The following DMBX1 variants were observed in gnomAD, a reference collection of about 807,000 sequenced individuals.
The protein encoded by DMBX1 is diencephalon/mesencephalon homeobox protein 1.
DMBX1 carries 7 observed loss-of-function variants against 30.4 expected under a neutral mutation model. That is an observed-to-expected ratio of 0.23 (90% CI 0.13 to 0.43). The LOEUF (loss-of-function observed/expected upper bound fraction) is 0.43. Ranked by LOEUF, DMBX1 falls within the 20% of genes least tolerant of loss-of-function variation. The pLI is 1.00. For synonymous variants in DMBX1, 222 were observed against 214.2 expected (o/e 1.04, Z -0.32); for missense variants, 460 against 508.5 (o/e 0.90, Z 0.92).
intron 3 of DMBX1, among the ~76,000 whole-genome samples, chr1:46,509,028 A>G (rs79738061): frequency 0.061 from 9,311 of 151,680 alleles, 722 homozygotes; most frequent in African/African-American, 0.18. Context: ...GAAGTATCTC[A>G]AAGTCTGGGG....
At chr1:46,492,017 G>T (rs371617037) in intron 2 of DMBX1, among the ~76,000 whole-genome samples, 2 of 152,196 alleles carry the variant, frequency 1.3e-5, no homozygotes, top group African/African-American at 4.8e-5. Flanking sequence ...ACTCAGGAGG[G>T]GGGTAAACAC....
chr1:46,498,805 C>G (rs1468640806), intron 2 of DMBX1, among the ~76,000 whole-genome samples: 1 of 152,208 alleles, frequency 6.6e-6, no homozygotes, highest in Non-Finnish European at 1.5e-5. Context: ...TGTGTGGTAC[C>G]ACATGTGTAC....
chr1:46,491,754 C>T lies in DMBX1; in HGVS notation c.-13+971C>T, dbSNP rs193046012. On this transcript the variant is annotated intron_variant, in intron 2 of 5. Coordinates refer to ENST00000360032, the MANE Select transcript of DMBX1 (RefSeq NM_172225.2). The surrounding 1 kb of genome is among the most constrained non-coding windows in gnomAD (Gnocchi z 5.5). ...GTAGTGGGGGTTGTTTTCAATTTTT[C>T]GGGGATTTGTGTTTCACTTACCCAC... 9.2e-5 allele frequency among the ~76,000 whole-genome samples: 14 copies of T among 152,114 alleles called. No homozygotes were observed. In the East Asian group the frequency reaches 2.5e-3, roughly 27 times the overall value.
Position 46,513,806 on chromosome 1 carries a change from CTG to C in DMBX1, c.*1314_*1315del, listed in dbSNP as rs1479233708. ...TATAGCAGCACATAGGCTCAGGCTT[CTG>C]TAGGCTTCCTGTCCCAGAGCCAATT... On this transcript the variant is annotated 3_prime_UTR_variant, in exon 6 of 6. Coordinates refer to ENST00000360032, the MANE Select transcript of DMBX1 (RefSeq NM_172225.2). The C allele has an allele frequency of 6.6e-6, 1 of 152,318 alleles. No homozygotes were observed. Among genetic ancestry groups the C allele is most frequent in the Non-Finnish European group, 1.5e-5 (1 of 68,082 alleles). The allele number at this position is 152,318 out of a possible 1,614,324, so 9.4% of individuals were successfully genotyped here.
At position 46,512,477 on chromosome 1, in the gene DMBX1, G is replaced by A. The variant is rs1321447721; in HGVS notation, c.1117G>A (p.Asp373Asn). The A allele has an allele frequency of 4.3e-6, 7 of 1,610,454 alleles. No individual in the cohort carries two copies. Among genetic ancestry groups the A allele is most frequent in the South Asian group, 2.2e-5 (2 of 90,838 alleles). ...GCAGCACGCGGCCTCCCTGGGACTC[G>A]ATACGCTGCCCAACTGACTGTCTGG... ...AKQHAASLGL[D>N]TLPN The change falls in exon 6 of 6, where the codon GAT (aspartate) becomes AAT (asparagine). Residue 373 changes from aspartate to asparagine, a missense_variant. Transcript: ENST00000360032. The surrounding 1 kb of genome is among the most constrained non-coding windows in gnomAD (Gnocchi z 4.8).
At position 46,507,113 on chromosome 1, in the gene DMBX1, C is replaced by T. The variant is rs754837630; in HGVS notation, c.103C>T (p.Pro35Ser). ...QQAAQQAQHA[P>S]DYRPSVHALT... is the part of the protein sequence containing the mutation. ...GGCAGCCCAGCAGGCCCAGCATGCC[C>T]CCGACTACCGGCCTTCAGTGCATGC... Residue 35 changes from proline to serine, a missense_variant, in exon 3 of 6, where the codon CCC becomes TCC. Transcript: ENST00000360032. The T allele has an allele frequency of 6.2e-7, 1 of 1,614,216 alleles. No individual in the cohort carries two copies. Among genetic ancestry groups the T allele is most frequent in the South Asian group, 1.1e-5 (1 of 91,088 alleles).
intron 5 of DMBX1, among the ~76,000 whole-genome samples, chr1:46,511,507 G>T (rs1475834174): frequency 1.3e-5 from 2 of 152,184 alleles, no homozygotes; most frequent in Non-Finnish European, 2.9e-5. Context: ...TACTGCGGGA[G>T]CTCGGGGCAA....
At chr1:46,500,320 G>A (rs919375370) in intron 2 of DMBX1, among the ~76,000 whole-genome samples, 1 of 151,536 alleles carries the variant, frequency 6.6e-6, no homozygotes, top group Non-Finnish European at 1.5e-5. Context: ...TGAGATCAGC[G>A]ATAATTAAGT....
chr1:46,501,275 C>CTTTCTTTCTTTCT (rs1666133089), intron 2 of DMBX1, among the ~76,000 whole-genome samples: 1 of 126,736 alleles, frequency 7.9e-6, no homozygotes, highest in African/African-American at 3.1e-5. Context: ...TCTTTCTCTT[C>CTTTCTTTCTTTCT]TTTCTTTCTT....
intron 2 of DMBX1, among the ~76,000 whole-genome samples, chr1:46,502,649 G>A (rs1666159374): frequency 6.6e-6 from 1 of 152,142 alleles, no homozygotes; most frequent in African/African-American, 2.4e-5. Flanking sequence ...CACTTTGGGA[G>A]GCCAAGGCAG....
At chr1:46,503,659 TGTGCTTGC>T (rs1643336357) in intron 2 of DMBX1, among the ~76,000 whole-genome samples, 1 of 152,248 alleles carries the variant, frequency 6.6e-6, no homozygotes, top group Non-Finnish European at 1.5e-5. Flanking sequence ...GAAACGTTCA[TGTGCTTGC>T]CTGCAACTGT....
chr1:46,490,889 G>A (rs1440533725), intron 2 of DMBX1, among the ~76,000 whole-genome samples, 106 bp downstream of exon 2: 1 of 152,232 alleles, frequency 6.6e-6, no homozygotes, highest in Non-Finnish European at 1.5e-5. Flanking sequence ...CGGCAGGCTG[G>A]GGCCAGTCCC....
intron 3 of DMBX1, among the ~76,000 whole-genome samples, chr1:46,509,369 C>G (rs769029200): frequency 2.0e-5 from 3 of 152,148 alleles, no homozygotes; most frequent in Non-Finnish European, 2.9e-5. Context: ...CGGGCCTCCT[C>G]TTCCTATTTA....
In DMBX1 at chr1:46,510,762, C is replaced by T. The variant is rs1666350426; in HGVS notation, c.333+108C>T. ...ATCCCTGTGCCAAGGTGCAACTGAT[C>T]TCTCCATCAAAGCCTTCAGTGATAG... On this transcript the variant is annotated intron_variant, in intron 4 of 5. Transcript: ENST00000360032. The surrounding 1 kb of genome is among the most constrained non-coding windows in gnomAD (Gnocchi z 4.1). The T allele has an allele frequency of 4.9e-6, 7 of 1,419,036 alleles. No homozygotes were observed. The highest frequency in any genetic ancestry group is 6.6e-6 in the Non-Finnish European group (7 of 1,054,888). The allele number at this position is 1,419,036 out of a possible 1,614,324, so 87.9% of individuals were successfully genotyped here. A position where few individuals can be genotyped will look rare whatever the true frequency, so the allele number is the denominator to read the frequency against.
At chr1:46,496,242 A>C (rs12562748) in intron 2 of DMBX1, among the ~76,000 whole-genome samples, 6,837 of 152,266 alleles carry the variant, frequency 0.045, 417 homozygotes, top group East Asian at 0.23. Context: ...TGGGGATGTC[A>C]TCATGTCAAG....
chr1:46,512,636 T>A lies in DMBX1; in HGVS notation c.*142T>A. ...TCCTGTTCCCTGCTCCGCTTCCCCA[T>A]ACCCCAGCCCGAGGTGAAGCCCACA... On this transcript the variant is annotated 3_prime_UTR_variant, in exon 6 of 6. Transcript: ENST00000360032. This position sits in a 1 kb window ranked among gnomAD's most constrained non-coding sequence, Gnocchi z 4.8. 2.2e-6 allele frequency: 2 copies of A among 907,588 alleles called. No homozygotes were observed. The highest frequency in any genetic ancestry group is 3.2e-6 in the Non-Finnish European group (2 of 617,738). The allele number at this position is 907,588 out of a possible 1,614,324, so 56.2% of individuals were successfully genotyped here.
rs964081858 is a variant in DMBX1 at position 46,515,532 on chromosome 1, G to T, written c.*3038G>T. Among the ~76,000 whole-genome samples the T allele has an allele frequency of 2.6e-5, 4 of 152,342 alleles. No individual in the cohort carries two copies. The highest frequency in any genetic ancestry group is 2.1e-4 in the South Asian group (1 of 4,828). On this transcript the variant is annotated 3_prime_UTR_variant, in exon 6 of 6. Coordinates refer to ENST00000360032, the MANE Select transcript of DMBX1 (RefSeq NM_172225.2). ...ATTCAATTGACCCAAATCTGCCAGA[G>T]AAGGCAGGGAAGGTACATGTGGTCC... is the stretch of plus-strand genomic sequence containing the variant.
chr1:46,498,164 C>T (rs1666059706), intron 2 of DMBX1, among the ~76,000 whole-genome samples: 1 of 152,134 alleles, frequency 6.6e-6, no homozygotes, highest in African/African-American at 2.4e-5. Context: ...TAGTGCAGGT[C>T]CTGGCTGCCC....
intron 2 of DMBX1, among the ~76,000 whole-genome samples, chr1:46,498,269 A>G (rs1325773772): frequency 6.6e-6 from 1 of 152,080 alleles, no homozygotes; most frequent in Non-Finnish European, 1.5e-5. Flanking sequence ...CTGGGTCTCC[A>G]TTTCCTCCCG....
Sources: gnomAD v4.1 joint callset for allele counts (sites outside exome capture counted in the v4.1 genomes callset) on GRCh38, gnomAD v4.1.1 for gene constraint, Gnocchi (gnomAD v3.1) non-coding constraint, MANE v1.5 for transcripts, NCBI Gene and HGNC (gene_info 2026-07-23, HGNC 2026-07-21) for gene names.